The following GET1 variants were observed in gnomAD, a reference collection of about 807,000 sequenced individuals.
The protein encoded by GET1 is guided entry of tail-anchored proteins factor 1.
GET1 carries 20 observed loss-of-function variants against 22.6 expected under a neutral mutation model. The ratio of observed to expected loss-of-function variants is 0.89; its 90% CI spans 0.62 to 1.29. GET1 has a LOEUF of 1.29. Ranked by LOEUF, GET1 falls within the 50% of genes most tolerant of loss-of-function variation. The pLI is 0.00. For missense variants in GET1, 209 were observed against 219.9 expected (o/e 0.95, Z 0.31); for synonymous variants, 92 against 83.8 (o/e 1.10, Z -0.53).
intron 1 of GET1, chr21:39,387,871 G>GT: frequency 1.0e-6 from 1 of 976,310 alleles, no homozygotes; most frequent in Non-Finnish European, 1.2e-6. Context: ...CTGGAAGGGG[G>GT]AGGGGGGGGG....
chr21:39,393,876 C>T (rs191227631), intron 4 of GET1, among the ~76,000 whole-genome samples: 156 of 152,012 alleles, frequency 1.0e-3, no homozygotes, highest in Admixed American at 1.5e-3. Context: ...TCTCAAACTC[C>T]TGACCTTAAG....
At chr21:39,424,926 T>C (rs1207805558) in intron 1 of GET1, among the ~76,000 whole-genome samples, 2 of 152,210 alleles carry the variant, frequency 1.3e-5, no homozygotes, top group African/African-American at 4.8e-5. Flanking sequence ...GATAAACACA[T>C]GGAAGCTTGG....
At chr21:39,392,949 G>C in intron 3 of GET1, 1 of 519,974 alleles carries the variant, frequency 1.9e-6, no homozygotes, top group Non-Finnish European at 3.4e-6. Flanking sequence ...ATGCTGCTGA[G>C]CTCGTCTTTA....
At chr21:39,390,609 C>T (rs2038235615) in intron 1 of GET1, 89 bp from the exon 2 acceptor site, 3 of 1,519,878 alleles carry the variant, frequency 2.0e-6, no homozygotes, top group Non-Finnish European at 2.7e-6. Context: ...ACAGAGTGGT[C>T]AGGGCATAGA....
intron 1 of GET1, among the ~76,000 whole-genome samples, chr21:39,385,848 C>T (rs1490533084): frequency 6.6e-6 from 1 of 152,046 alleles, no homozygotes; most frequent in African/African-American, 2.4e-5. Context: ...ACGCATACCG[C>T]ACACACTGCG....
At chr21:39,401,351 T>G (rs1404283408), downstream of GET1, among the ~76,000 whole-genome samples, 1 of 152,214 alleles carries the variant, frequency 6.6e-6, no homozygotes, top group Non-Finnish European at 1.5e-5. Flanking sequence ...TCCAGCCATT[T>G]TTCCTGAGTC....
chr21:39,385,235 T>C (rs908975697), intron 1 of GET1, among the ~76,000 whole-genome samples: 7 of 152,162 alleles, frequency 4.6e-5, no homozygotes, highest in African/African-American at 1.7e-4. Context: ...GCTTTCGTCT[T>C]AGCAGAAGTT....
At chr21:39,388,820 C>T (rs77914763) in intron 1 of GET1, among the ~76,000 whole-genome samples, 208 of 152,274 alleles carry the variant, frequency 1.4e-3, no homozygotes, top group African/African-American at 4.9e-3. Context: ...GTGGCCGGGC[C>T]GTTCCCTGGA....
Position 39,393,047 on chromosome 21 carries a change from T to C in GET1, c.337-119T>C, listed in dbSNP as rs564761487. ...GTCTGTGGGGACTGGGTTCCTAGGC[T>C]TGAGGTGCTCAGTCTGGAGAGTTTT... On this transcript the variant is annotated intron_variant, in intron 3 of 4. Coordinates refer to ENST00000649170, the MANE Select transcript of GET1 (RefSeq NM_004627.6). The C allele has an allele frequency of 2.8e-4, 219 of 768,656 alleles. 3 individuals are homozygous for C. The highest frequency in any genetic ancestry group is 2.3e-3 in the South Asian group (136 of 58,000). 47.6% of individuals were successfully genotyped at this position (768,656 alleles called of 1,614,324 possible).
intron 1 of GET1, among the ~76,000 whole-genome samples, chr21:39,425,436 A>T (rs768554697): frequency 1.3e-5 from 2 of 152,226 alleles, no homozygotes; most frequent in Non-Finnish European, 2.9e-5. Context: ...CTGTCTTTGC[A>T]ATTATACCTT....
chr21:39,388,989 G>T (rs2038113327), intron 1 of GET1, among the ~76,000 whole-genome samples: 2 of 152,104 alleles, frequency 1.3e-5, no homozygotes, highest in Non-Finnish European at 2.9e-5. Flanking sequence ...CCTATCTGTG[G>T]AAACCACAGA....
rs1289899739 is a variant in GET1 at position 39,391,837 on chromosome 21, G to A, written c.336+1G>A. On this transcript the variant is annotated splice_donor_variant, in intron 3 of 4. Transcript: ENST00000649170. LOFTEE classifies it high-confidence loss of function. ...AAGTGTCGCTTTCTACGTATTGCAG[G>A]TAAGTGTGCTAGAGCGTCAGCCGGG... 4 of 1,614,006 alleles carry A rather than the reference G, an allele frequency of 2.5e-6. No homozygotes were observed. Among genetic ancestry groups the A allele is most frequent in the Non-Finnish European group, 3.4e-6 (4 of 1,179,996 alleles).
At chr21:39,401,887 A>T (rs2038848832), downstream of GET1, among the ~76,000 whole-genome samples, 2 of 152,138 alleles carry the variant, frequency 1.3e-5, no homozygotes, top group Admixed American at 1.3e-4. Flanking sequence ...CGTATGAGGC[A>T]GCAGATTTAA....
chr21:39,404,750 C>CAAAA (rs748914343), intron 4 of GET1, among the ~76,000 whole-genome samples: 19 of 88,008 alleles, frequency 2.2e-4, no homozygotes, highest in South Asian at 4.7e-4. Context: ...GAGACACTGT[C>CAAAA]AAAAAAAAAA....
At chr21:39,381,033 A>G (rs1167641876) in intron 1 of GET1, 2 of 776,172 alleles carry the variant, frequency 2.6e-6, no homozygotes, top group Non-Finnish European at 3.1e-6. Flanking sequence ...GGTAGTGAGT[A>G]CATTACCTCT....
At chr21:39,406,394 C>T (rs765303910) in exon 5 of GET1, 1 of 1,613,612 alleles carries the variant, frequency 6.2e-7, no homozygotes, top group Non-Finnish European at 8.5e-7. Context: ...TCATCCACAC[C>T]ATTTCTCTGC....
intron 1 of GET1, among the ~76,000 whole-genome samples, chr21:39,386,741 A>G (rs539932123): frequency 3.3e-5 from 5 of 152,238 alleles, no homozygotes; most frequent in Non-Finnish European, 7.3e-5. Flanking sequence ...GCATTATTAC[A>G]TTTAGATTCA....
chr21:39,402,479 C>G (rs144721778), downstream of GET1, among the ~76,000 whole-genome samples: 485 of 152,314 alleles, frequency 3.2e-3, 6 homozygotes, highest in African/African-American at 0.011. Context: ...GTATGGAAAA[C>G]GGACCCCCTA....
At chr21:39,427,799 T>C (rs1569108926) in intron 1 of GET1, 1 of 158,428 alleles carries the variant, frequency 6.3e-6, no homozygotes, top group African/African-American at 2.4e-5. Context: ...GAGATAGGTA[T>C]TTACATTTCA....
Sources: allele counts gnomAD v4.1 joint callset (sites outside exome capture counted in the v4.1 genomes callset), GRCh38; gene constraint gnomAD v4.1.1; transcripts MANE v1.5; gene names NCBI Gene and HGNC (gene_info 2026-07-23, HGNC 2026-07-21).